Variants in UGT2A1 observed in about 807,000 individuals in gnomAD.
UGT2A1 encodes the protein UDP glucuronosyltransferase family 2 member A1 complex locus.
UGT2A1 carries 61 observed loss-of-function variants against 45.4 expected under a neutral mutation model. That is an observed-to-expected ratio of 1.34 (90% CI 1.09 to 1.66). The LOEUF (loss-of-function observed/expected upper bound fraction) is 1.66, where lower values mean the gene tolerates loss of function less well. Ranked by LOEUF, UGT2A1 falls within the 40% of genes most tolerant of loss-of-function variation. The probability of loss-of-function intolerance (pLI) is 0.00; values close to 1 mark genes in which losing one functional copy is unlikely to be tolerated. For synonymous variants in UGT2A1, 229 were observed against 196.2 expected (o/e 1.17, Z -1.40); for missense variants, 649 against 574.3 (o/e 1.13, Z -1.33).
At chr4:69,625,191 A>AT (rs973268807) in intron 3 of UGT2A1, among the ~76,000 whole-genome samples, 10 of 150,342 alleles carry the variant, frequency 6.7e-5, no homozygotes, top group Admixed American at 6.6e-4. Flanking sequence ...TAGATGAAGT[A>AT]TTTTTTAATT....
chr4:69,617,258 A>G (rs1447150854), intron 3 of UGT2A1, among the ~76,000 whole-genome samples: 1 of 151,922 alleles, frequency 6.6e-6, no homozygotes. Context: ...TTCTTCAAGC[A>G]GTTTATCAAG....
intron 3 of UGT2A1, among the ~76,000 whole-genome samples, chr4:69,610,676 C>T (rs1719982717): frequency 6.6e-6 from 1 of 152,056 alleles, no homozygotes; most frequent in African/African-American, 2.4e-5. Flanking sequence ...TGACTAGTGT[C>T]CTTCCAAGAA....
rs537052692 is a variant in UGT2A1, at chr4:69,606,756, C to G, written c.848-7362G>C. Reference sequence around the variant, plus strand: ...ATACAAAATCAATGTGCAAAAATCACAAGCATTCTTATACACCAATAACAG... The same window carrying G: ...ATACAAAATCAATGTGCAAAAATCAGAAGCATTCTTATACACCAATAACAG... On this transcript the variant is annotated intron_variant, in intron 3 of 6. Coordinates refer to ENST00000286604, the MANE Select transcript of UGT2A1 (RefSeq NM_001252275.3). Among the ~76,000 whole-genome samples the G allele has an allele frequency of 3.3e-4, 45 of 136,776 alleles. 12 individuals carry two copies. Among genetic ancestry groups the G allele is most frequent in the African/African-American group, 1.2e-3 (42 of 33,808 alleles). 89.7% of individuals were successfully genotyped at this position (136,776 alleles called of 152,430 possible).
intron 2 of UGT2A1, chr4:69,639,583 T>TA (rs765980792): frequency 1.2e-6 from 2 of 1,609,906 alleles, no homozygotes; most frequent in Non-Finnish European, 1.7e-6. Context: ...AGAGTCAAAT[T>TA]AAAAACCAGC....
chr4:69,648,537 G>T (rs145608820), intron 1 of UGT2A1, among the ~76,000 whole-genome samples: 1 of 151,774 alleles, frequency 6.6e-6, no homozygotes, highest in Non-Finnish European at 1.5e-5. Flanking sequence ...CAGACATTAC[G>T]CAAACTCTTT....
chr4:69,608,413 C>T (rs1324475136), intron 3 of UGT2A1, among the ~76,000 whole-genome samples: 1 of 119,536 alleles, frequency 8.4e-6, no homozygotes, highest in Non-Finnish European at 1.7e-5. Context: ...CACACCGGGG[C>T]CTGTTGTGGG....
At chr4:69,633,219 C>T (rs1230631358) in intron 3 of UGT2A1, among the ~76,000 whole-genome samples, 1 of 152,086 alleles carries the variant, frequency 6.6e-6, no homozygotes, top group Non-Finnish European at 1.5e-5. Context: ...TCATACTGTA[C>T]ACTTTATGCA....
At chr4:69,651,346 T>C (rs1278570481) in intron 1 of UGT2A1, among the ~76,000 whole-genome samples, 1 of 152,194 alleles carries the variant, frequency 6.6e-6, no homozygotes, top group Non-Finnish European at 1.5e-5. Context: ...TGTATGCCTG[T>C]ATCAAAACAT....
chr4:69,606,181 A>T lies in UGT2A1; in HGVS notation c.848-6787T>A, dbSNP rs1265329638. Among the ~76,000 whole-genome samples the T allele has an allele frequency of 1.5e-5, 2 of 136,558 alleles. 1 individual carries two copies. Among genetic ancestry groups the T allele is most frequent in the African/African-American group, 5.9e-5 (2 of 33,662 alleles). The allele number at this position is 136,558 out of a possible 152,430, so 89.6% of individuals were successfully genotyped here. A position where few individuals can be genotyped will look rare whatever the true frequency, so the allele number is the denominator to read the frequency against. The stretch of plus-strand genomic sequence containing the variant: ...TCGAGGCAAAAATCCTCAATAAAAT[A>T]CTGGCAAACCAAATCCAGCGGCACA... On this transcript the variant is annotated intron_variant, in intron 3 of 6. Coordinates refer to ENST00000286604, the MANE Select transcript of UGT2A1 (RefSeq NM_001252275.3).
Position 69,589,288 on chromosome 4 carries a change from C to T in UGT2A1, c.*84G>A. ...GGATGGGAGACGTGTTTTTGTTAAACTCCTTTTGTCTGGAATTAATAGGAC... is the reference window on the plus strand; with the variant it reads ...GGATGGGAGACGTGTTTTTGTTAAATTCCTTTTGTCTGGAATTAATAGGAC... On this transcript the variant is annotated 3_prime_UTR_variant, in exon 7 of 7. Coordinates refer to ENST00000286604, the MANE Select transcript of UGT2A1 (RefSeq NM_001252275.3). The T allele has an allele frequency of 7.1e-7, 1 of 1,404,980 alleles. No homozygotes were observed. The highest frequency in any genetic ancestry group is 2.5e-5 in the East Asian group (1 of 39,890). 87.0% of individuals were successfully genotyped at this position (1,404,980 alleles called of 1,614,324 possible). A position where few individuals can be genotyped will look rare whatever the true frequency, so the allele number is the denominator to read the frequency against.
chr4:69,594,354 A>G (rs1159191255), intron 6 of UGT2A1, 123 bp downstream of exon 6: 1 of 1,273,000 alleles, frequency 7.9e-7, no homozygotes, highest in Non-Finnish European at 1.1e-6. Flanking sequence ...AATAGTTTTT[A>G]TATTGGTCAG....
intron 3 of UGT2A1, among the ~76,000 whole-genome samples, chr4:69,604,675 C>T (rs1322028272): frequency 7.3e-6 from 1 of 136,586 alleles, no homozygotes; most frequent in Non-Finnish European, 1.6e-5. Context: ...TCAGGAAACC[C>T]ATCTCACGTG....
chr4:69,627,309 G>A (rs1451595123), intron 3 of UGT2A1, among the ~76,000 whole-genome samples: 5 of 151,790 alleles, frequency 3.3e-5, no homozygotes, highest in Admixed American at 2.0e-4. Context: ...AAAAATATTT[G>A]TCTTATAAAT....
intron 2 of UGT2A1, among the ~76,000 whole-genome samples, chr4:69,639,952 A>G (rs1260316817): frequency 1.3e-5 from 2 of 152,006 alleles, no homozygotes; most frequent in Non-Finnish European, 2.9e-5. Context: ...TGAATAAACA[A>G]CTTTCAGAGG....
intron 1 of UGT2A1, among the ~76,000 whole-genome samples, chr4:69,652,811 A>G (rs1722602385): frequency 1.3e-5 from 2 of 152,126 alleles, no homozygotes; most frequent in African/African-American, 4.8e-5. Flanking sequence ...TTCACCATAT[A>G]TCAGTATAAA....
chr4:69,617,305 A>G (rs1358861189), intron 3 of UGT2A1, among the ~76,000 whole-genome samples: 2 of 151,868 alleles, frequency 1.3e-5, no homozygotes, highest in Non-Finnish European at 2.9e-5. Context: ...ATGATGGTTG[A>G]TAGTGCTGAA....
rs1386698833 is a variant in UGT2A1, at chr4:69,605,895, G to C, written c.848-6501C>G. On this transcript the variant is annotated intron_variant, in intron 3 of 6. Transcript: ENST00000286604. ...CAGGAAGACATTGAATCTCTGAATA[G>C]ACCAATAACAGGCTCTGAAATTGAG... Among the ~76,000 whole-genome samples the C allele has an allele frequency of 2.9e-5, 4 of 136,574 alleles. 1 individual carries two copies. The highest frequency in any genetic ancestry group is 7.2e-5 in the Admixed American group (1 of 13,912). 89.6% of individuals were successfully genotyped at this position (136,574 alleles called of 152,430 possible). A position where few individuals can be genotyped will look rare whatever the true frequency, so the allele number is the denominator to read the frequency against.
intron 3 of UGT2A1, among the ~76,000 whole-genome samples, chr4:69,607,796 G>A (rs561943496): frequency 2.0e-5 from 3 of 152,318 alleles, no homozygotes; most frequent in Non-Finnish European, 2.9e-5. Context: ...AGACATTTAT[G>A]CAGCCAAAAG....
At chr4:69,595,830 T>C (rs1718888894) in intron 4 of UGT2A1, among the ~76,000 whole-genome samples, 1 of 152,202 alleles carries the variant, frequency 6.6e-6, no homozygotes, top group Admixed American at 6.5e-5. Context: ...AGAGTTGTAA[T>C]AAAACCTAGA....
Sources: allele counts gnomAD v4.1 joint callset (sites outside exome capture counted in the v4.1 genomes callset), GRCh38; gene constraint gnomAD v4.1.1; transcripts MANE v1.5; gene names NCBI Gene and HGNC (gene_info 2026-07-23, HGNC 2026-07-21).